Variants in LHX5 observed in about 807,000 individuals in gnomAD.
LHX5 encodes LIM/homeobox protein Lhx5.
A neutral mutation model predicts 30.6 loss-of-function variants in LHX5; 5 were observed. The ratio of observed to expected loss-of-function variants is 0.16; its 90% CI spans 0.09 to 0.34. LHX5 has a LOEUF of 0.34. Ranked by LOEUF, LHX5 falls within the 10% of genes least tolerant of loss-of-function variation. The pLI is 1.00. For missense variants in LHX5, 458 were observed against 570.6 expected (o/e 0.80, Z 2.01); for synonymous variants, 266 against 252.6 (o/e 1.05, Z -0.50).
chr12:113,469,727 G>A (rs977733212), intron 1 of LHX5, among the ~76,000 whole-genome samples: 1 of 152,240 alleles, frequency 6.6e-6, no homozygotes, highest in African/African-American at 2.4e-5. Flanking sequence ...GAAGCCAGGC[G>A]GGGAGGGTTT....
chr12:113,465,995 GGGGCCCCGGTCC>G lies in LHX5; in HGVS notation c.841+1249_841+1260del, dbSNP rs1281012676. Among the ~76,000 whole-genome samples, 2 of 152,152 alleles carry G rather than the reference GGGGCCCCGGTCC, an allele frequency of 1.3e-5. No homozygotes were observed. The highest frequency in any genetic ancestry group is 2.9e-5 in the Non-Finnish European group (2 of 68,022). Reference sequence around the variant, plus strand: ...CCTGGCATTTTGCCCACAATTTCTAGGGGCCCCGGTCCGGTCTCAAGGTCTAATCCCCCCTCA... The same window carrying G: ...CCTGGCATTTTGCCCACAATTTCTAGGGTCTCAAGGTCTAATCCCCCCTCA... On this transcript the variant is annotated intron_variant, in intron 4 of 4. Coordinates refer to ENST00000261731, the MANE Select transcript of LHX5 (RefSeq NM_022363.3). This position sits in a 1 kb window ranked among gnomAD's most constrained non-coding sequence, Gnocchi z 6.7.
At chr12:113,470,107 C>T (rs912655430) in intron 1 of LHX5, among the ~76,000 whole-genome samples, 11 of 152,214 alleles carry the variant, frequency 7.2e-5, no homozygotes, top group Non-Finnish European at 1.6e-4. Flanking sequence ...CTCAAATCCC[C>T]GCTTTCCCGC....
Position 113,463,088 on chromosome 12 carries a change from C to T in LHX5, c.*102G>A. On this transcript the variant is annotated 3_prime_UTR_variant, in exon 5 of 5. Coordinates refer to ENST00000261731, the MANE Select transcript of LHX5 (RefSeq NM_022363.3). The surrounding 1 kb of genome is among the most constrained non-coding windows in gnomAD (Gnocchi z 6.7). ...GACCCGAGAGAGAACCCCCGAGGGA[C>T]ACCCACGTCTCCCACCGCGTCTGCG... The T allele has an allele frequency of 9.9e-7, 1 of 1,010,746 alleles. No individual in the cohort carries two copies. The highest frequency in any genetic ancestry group is 1.4e-6 in the Non-Finnish European group (1 of 730,480). 62.6% of individuals were successfully genotyped at this position (1,010,746 alleles called of 1,614,324 possible).
rs1321195020 is a variant in LHX5, at chr12:113,463,208, G to A, written c.1191C>T (p.Asn397=). The A allele has an allele frequency of 1.3e-6, 2 of 1,519,216 alleles. No homozygotes were observed. Among genetic ancestry groups the A allele is most frequent in the Non-Finnish European group, 8.8e-7 (1 of 1,139,418 alleles). The allele number at this position is 1,519,216 out of a possible 1,614,324, so 94.1% of individuals were successfully genotyped here. The change falls in exon 5 of 5, where the codon AAC becomes AAT. Residue 397 remains asparagine, a synonymous_variant. Coordinates refer to ENST00000261731, the MANE Select transcript of LHX5 (RefSeq NM_022363.3). The surrounding 1 kb of genome is among the most constrained non-coding windows in gnomAD (Gnocchi z 6.7). ...GGCGGCCTTACCACACGGCGGCTTC[G>A]TTGAGCTCGGGGTTGGGATGCGACA... The part of the protein sequence containing the change: ...GPLSHPNPEL[N]EAAVW
rs907171101 is a variant in LHX5 at position 113,463,663 on chromosome 12, G to A, written c.842-106C>T. On this transcript the variant is annotated intron_variant, in intron 4 of 4. Coordinates refer to ENST00000261731, the MANE Select transcript of LHX5 (RefSeq NM_022363.3). This position sits in a 1 kb window ranked among gnomAD's most constrained non-coding sequence, Gnocchi z 6.7. Reference sequence around the variant, plus strand: ...ACCCGGGCGGGCGAGAGAGGGGAGCGCGCGACACCGACCCAAGGTTAGAGA... The same window carrying A: ...ACCCGGGCGGGCGAGAGAGGGGAGCACGCGACACCGACCCAAGGTTAGAGA... 3.0e-5 allele frequency: 36 copies of A among 1,215,006 alleles called. No homozygotes were observed. The Admixed American group carries it at 3.9e-4, about 13-fold the overall frequency. 75.3% of individuals were successfully genotyped at this position (1,215,006 alleles called of 1,614,324 possible).
At chr12:113,469,671 G>A (rs1192960334) in intron 1 of LHX5, among the ~76,000 whole-genome samples, 3 of 152,188 alleles carry the variant, frequency 2.0e-5, no homozygotes, top group Non-Finnish European at 4.4e-5. Flanking sequence ...CCCCTGCCAG[G>A]CCTGCCTGGG....
Position 113,465,307 on chromosome 12 carries a change from G to T in LHX5, c.842-1750C>A, listed in dbSNP as rs1429558057. ...CAGGGATGGGAGACGGCCGCGGCCC[G>T]CGGCGAGCCGGAAAACCAGCGAAGG... is the stretch of plus-strand genomic sequence containing the variant. On this transcript the variant is annotated intron_variant, in intron 4 of 4. Transcript: ENST00000261731. This position sits in a 1 kb window ranked among gnomAD's most constrained non-coding sequence, Gnocchi z 6.7. Among the ~76,000 whole-genome samples the T allele has an allele frequency of 6.6e-6, 1 of 152,220 alleles. No individual in the cohort carries two copies. Among genetic ancestry groups the T allele is most frequent in the Non-Finnish European group, 1.5e-5 (1 of 68,022 alleles).
rs1203694171 is a variant in LHX5, at chr12:113,471,053, C to T, written c.173+273G>A. ...GGAAGGGGCGGAGAGGAGTGGATAG[C>T]AAGTTTGTCAGGGCTTCCTCCCTCT... is the stretch of plus-strand genomic sequence containing the variant. On this transcript the variant is annotated intron_variant, in intron 1 of 4. Coordinates refer to ENST00000261731, the MANE Select transcript of LHX5 (RefSeq NM_022363.3). Among the ~76,000 whole-genome samples the T allele has an allele frequency of 8.3e-4, 126 of 152,314 alleles. 1 individual carries two copies. Among genetic ancestry groups the T allele is most frequent in the Non-Finnish European group, 5.9e-5 (4 of 68,022 alleles).
rs563133922 is a variant in LHX5, at chr12:113,464,088, C to T, written c.842-531G>A. Among the ~76,000 whole-genome samples, 38 of 152,244 alleles carry T rather than the reference C, an allele frequency of 2.5e-4. No individual in the cohort carries two copies. Among genetic ancestry groups the T allele is most frequent in the African/African-American group, 8.9e-4 (37 of 41,552 alleles). On this transcript the variant is annotated intron_variant, in intron 4 of 4. Transcript: ENST00000261731. The surrounding 1 kb of genome is among the most constrained non-coding windows in gnomAD (Gnocchi z 6.2). ...GCTGAGACCCGAAAGCCCGAGACATCGGAGGGTCGCGGAGGAGTCGAGGAG... is the reference window on the plus strand; with the variant it reads ...GCTGAGACCCGAAAGCCCGAGACATTGGAGGGTCGCGGAGGAGTCGAGGAG...
chr12:113,470,154 T>A (rs1037448042), intron 1 of LHX5, among the ~76,000 whole-genome samples: 2 of 151,936 alleles, frequency 1.3e-5, no homozygotes, highest in Non-Finnish European at 2.9e-5. Context: ...TTCTTTGAGC[T>A]CAGGGAGAAA....
Position 113,471,563 on chromosome 12 carries a change from C to T in LHX5, c.-65G>A, listed in dbSNP as rs1958252097. ...TTTGGGCCCCTGGCCCTCGGGCCTG[C>T]CGGGCCCTCCGCTGCCCTTCGCCTC... is the stretch of plus-strand genomic sequence containing the variant. On this transcript the variant is annotated 5_prime_UTR_variant, in exon 1 of 5. Coordinates refer to ENST00000261731, the MANE Select transcript of LHX5 (RefSeq NM_022363.3). 4.8e-6 allele frequency: 7 copies of T among 1,443,512 alleles called. No individual in the cohort carries two copies. Among genetic ancestry groups the T allele is most frequent in the Admixed American group, 4.4e-5 (2 of 45,246 alleles). The allele number at this position is 1,443,512 out of a possible 1,614,324, so 89.4% of individuals were successfully genotyped here. A position where few individuals can be genotyped will look rare whatever the true frequency, so the allele number is the denominator to read the frequency against.
chr12:113,468,276 A>C lies in LHX5; in HGVS notation c.526T>G (p.Ser176Ala), dbSNP rs756112054. 2 of 1,614,076 alleles carry C rather than the reference A, an allele frequency of 1.2e-6. No homozygotes were observed. The highest frequency in any genetic ancestry group is 2.2e-5 in the East Asian group (1 of 44,878). ...CGGGGGCCGCGCCGCTTGGTGCCCG[A>C]GTTCTGCTCCTCGTTCTCGTTGTTG... ...TANNENEEQN[S>A]GTKRRGPRTT... Residue 176 changes from serine (S) to alanine (A), a missense_variant, in exon 3 of 5, where the codon TCG becomes GCG. Physicochemically the swap from Ser to Ala is moderately conservative, Grantham distance 99. This residue lies in a region of LHX5 where 178 missense variants were observed against 238.5 expected (regional missense o/e 0.75). Coordinates refer to ENST00000261731, the MANE Select transcript of LHX5 (RefSeq NM_022363.3).
Position 113,468,316 on chromosome 12 carries a change from C to T in LHX5, c.486G>A (p.Ser162=), listed in dbSNP as rs150010110. 54 of 1,614,038 alleles carry T rather than the reference C, an allele frequency of 3.3e-5. No homozygotes were observed. The African/African-American group carries it at 6.8e-4, about 20-fold the overall frequency. ...TCTCGTTGTTGGCCGTCTCCTTGTC[C>T]GACGAGGTCGAGTTGTCCGTCTCTT... is the stretch of plus-strand genomic sequence containing the variant. ...DPKETDNSTS[S]DKETANNENE... Residue 162 remains serine (S), a synonymous_variant, in exon 3 of 5, where the codon TCG becomes TCA. Coordinates refer to ENST00000261731, the MANE Select transcript of LHX5 (RefSeq NM_022363.3).
rs1006240401 is a variant in LHX5, at chr12:113,464,009, G to A, written c.842-452C>T. 2.0e-5 allele frequency among the ~76,000 whole-genome samples: 3 copies of A among 152,176 alleles called. No homozygotes were observed. Among genetic ancestry groups the A allele is most frequent in the Admixed American group, 6.5e-5 (1 of 15,286 alleles). On this transcript the variant is annotated intron_variant, in intron 4 of 4. Coordinates refer to ENST00000261731, the MANE Select transcript of LHX5 (RefSeq NM_022363.3). The surrounding 1 kb of genome is among the most constrained non-coding windows in gnomAD (Gnocchi z 6.2). ...ACAGCGAGAGACAGACGGAGAGATC[G>A]GCAGAGGGGCAGAGAGAAAGGCGGA...
In LHX5 at chr12:113,464,219, C is replaced by A. The variant is rs921614238; in HGVS notation, c.842-662G>T. Reference sequence around the variant, plus strand: ...GCCCGAAGATGGAGAGAAGTCGATGCGCCCAGAGAACGCAAGACGGTGGAT... The same window carrying A: ...GCCCGAAGATGGAGAGAAGTCGATGAGCCCAGAGAACGCAAGACGGTGGAT... On this transcript the variant is annotated intron_variant, in intron 4 of 4. Transcript: ENST00000261731. This position sits in a 1 kb window ranked among gnomAD's most constrained non-coding sequence, Gnocchi z 6.2. Among the ~76,000 whole-genome samples, 7 of 152,152 alleles carry A rather than the reference C, an allele frequency of 4.6e-5. No homozygotes were observed. The highest frequency in any genetic ancestry group is 1.3e-4 in the Admixed American group (2 of 15,280).
In LHX5 at chr12:113,467,224, T is replaced by C; in HGVS notation, c.841+32A>G. ...CCCTCAGCTCCCGGAATAGGACAGG[T>C]GCGGAACAGCGAATCCCGGGGCGCC... is the stretch of plus-strand genomic sequence containing the variant. On this transcript the variant is annotated intron_variant, in intron 4 of 4. Coordinates refer to ENST00000261731, the MANE Select transcript of LHX5 (RefSeq NM_022363.3). The surrounding 1 kb of genome is among the most constrained non-coding windows in gnomAD (Gnocchi z 6.3). 1 of 1,408,998 alleles carries C rather than the reference T, an allele frequency of 7.1e-7. No homozygotes were observed. Among genetic ancestry groups the C allele is most frequent in the Non-Finnish European group, 9.3e-7 (1 of 1,069,642 alleles). 87.3% of individuals were successfully genotyped at this position (1,408,998 alleles called of 1,614,324 possible).
chr12:113,467,470 C>A lies in LHX5; in HGVS notation c.676-49G>T. On this transcript the variant is annotated intron_variant, in intron 3 of 4. Transcript: ENST00000261731. This position sits in a 1 kb window ranked among gnomAD's most constrained non-coding sequence, Gnocchi z 6.3. ...AACCCAGGATCAGGAGTGTCCTCTC[C>A]CCCCCTCTTCTCCCTTCCCTGACTG... is the stretch of plus-strand genomic sequence containing the variant. 3 of 1,386,562 alleles carry A rather than the reference C, an allele frequency of 2.2e-6. No individual in the cohort carries two copies. Among genetic ancestry groups the A allele is most frequent in the Middle Eastern group, 3.9e-4 (2 of 5,172 alleles). 85.9% of individuals were successfully genotyped at this position (1,386,562 alleles called of 1,614,324 possible). A position where few individuals can be genotyped will look rare whatever the true frequency, so the allele number is the denominator to read the frequency against.
rs1958193222 is a variant in LHX5 at position 113,463,653 on chromosome 12, A to G, written c.842-96T>C. On this transcript the variant is annotated intron_variant, in intron 4 of 4. Coordinates refer to ENST00000261731, the MANE Select transcript of LHX5 (RefSeq NM_022363.3). The surrounding 1 kb of genome is among the most constrained non-coding windows in gnomAD (Gnocchi z 6.7). The stretch of plus-strand genomic sequence containing the variant: ...CGGGGAGGGGACCCGGGCGGGCGAG[A>G]GAGGGGAGCGCGCGACACCGACCCA... 1 of 1,319,610 alleles carries G rather than the reference A, an allele frequency of 7.6e-7. No homozygotes were observed. The highest frequency in any genetic ancestry group is 2.7e-5 in the Admixed American group (1 of 36,588). The allele number at this position is 1,319,610 out of a possible 1,614,324, so 81.7% of individuals were successfully genotyped here. A position where few individuals can be genotyped will look rare whatever the true frequency, so the allele number is the denominator to read the frequency against.
At position 113,469,191 on chromosome 12, in the gene LHX5, C is replaced by T; in HGVS notation, c.328G>A (p.Glu110Lys). Residue 110 changes from glutamate to lysine, a missense_variant, in exon 2 of 5, where the codon GAG becomes AAG. Glu to Lys is a moderately conservative substitution (Grantham distance 56, BLOSUM62 1). This residue lies in a region of LHX5 where 178 missense variants were observed against 238.5 expected (regional missense o/e 0.75). Transcript: ENST00000261731. Reference protein sequence around the residue: ...STGEELYVIDENKFVCKDDYL... With the variant: ...STGEELYVIDKNKFVCKDDYL... ...TCGTCTTTGCACACGAACTTGTTCT[C>T]GTCGATGACGTAGAGCTCCTCGCCG... 1 of 1,614,226 alleles carries T rather than the reference C, an allele frequency of 6.2e-7. No homozygotes were observed. Among genetic ancestry groups the T allele is most frequent in the Non-Finnish European group, 8.5e-7 (1 of 1,180,046 alleles).
Sources: gnomAD v4.1 joint callset for allele counts (sites outside exome capture counted in the v4.1 genomes callset) on GRCh38, gnomAD v4.1.1 for gene constraint, gnomAD v4.1.1 regional missense constraint, Gnocchi (gnomAD v3.1) non-coding constraint, MANE v1.5 for transcripts, NCBI Gene and HGNC (gene_info 2026-07-23, HGNC 2026-07-21) for gene names.